Variants in XXYLT1 observed in about 807,000 individuals in gnomAD.
The protein encoded by XXYLT1 is UDP-xylose:alpha-xyloside alpha-1,3-xylosyltransferase.
Under a neutral mutation model 28.9 loss-of-function variants are expected in XXYLT1, and 20 were observed. That is an observed-to-expected ratio of 0.69 (90% CI 0.49 to 1.00). The LOEUF (loss-of-function observed/expected upper bound fraction) is 1.00. Among genes scored for constraint, XXYLT1 ranks in the 50% least tolerant of loss-of-function variants. The pLI is 0.00. For missense variants in XXYLT1, 542 were observed against 560.1 expected, an observed-to-expected ratio of 0.97 and a Z score of 0.33; for synonymous variants, 257 against 253.8, an observed-to-expected ratio of 1.01 and a Z score of -0.12.
intron 2 of XXYLT1, among the ~76,000 whole-genome samples, chr3:195,159,657 G>T (rs950631989): frequency 1.3e-5 from 2 of 152,176 alleles, no homozygotes; most frequent in African/African-American, 4.8e-5. Flanking sequence ...TTGCCGTCAC[G>T]GCCCTGGCAG....
intron 3 of XXYLT1, among the ~76,000 whole-genome samples, chr3:195,146,344 G>T (rs983807589): frequency 1.3e-5 from 2 of 152,320 alleles, no homozygotes; most frequent in East Asian, 3.9e-4. Flanking sequence ...TACAAATAAG[G>T]TTCTTTCAAT....
chr3:195,256,679 TC>T lies in XXYLT1; in HGVS notation c.504+13875del. The T allele has an allele frequency of 1.5e-6, 1 of 649,644 alleles. No homozygotes were observed. Among genetic ancestry groups the T allele is most frequent in the Non-Finnish European group, 1.9e-6 (1 of 523,504 alleles). The allele number at this position is 649,644 out of a possible 1,614,324, so 40.2% of individuals were successfully genotyped here. ...CAGACTGTTACTCAGAGCCGGAGCG[TC>T]CCCACTCCTCTTATGATGAGAAACT... On this transcript the variant is annotated intron_variant, in intron 1 of 3. Coordinates refer to ENST00000310380, the MANE Select transcript of XXYLT1 (RefSeq NM_152531.5). This position sits in a 1 kb window ranked among gnomAD's most constrained non-coding sequence, Gnocchi z 4.2.
intron 2 of XXYLT1, among the ~76,000 whole-genome samples, chr3:195,196,551 C>T (rs1459668181): frequency 6.6e-6 from 1 of 152,204 alleles, no homozygotes; most frequent in Non-Finnish European, 1.5e-5. Flanking sequence ...GAAAACATAA[C>T]ACAGGCAGAT....
In XXYLT1 at chr3:195,267,709, G is replaced by A. The variant is rs1421955182; in HGVS notation, c.504+2846C>T. On this transcript the variant is annotated intron_variant, in intron 1 of 3. Transcript: ENST00000310380. ...TACAACTGTGATAAATGTTACTAAG[G>A]AACAGTGCTTGGAGTTTGAAAGTGT... Among the ~76,000 whole-genome samples the A allele has an allele frequency of 2.6e-5, 4 of 152,128 alleles. 1 individual carries two copies. Among genetic ancestry groups the A allele is most frequent in the Admixed American group, 6.6e-5 (1 of 15,264 alleles).
chr3:195,122,170 A>C, intron 3 of XXYLT1: 1 of 702,942 alleles, frequency 1.4e-6, no homozygotes, highest in South Asian at 1.5e-5. Context: ...GGTCTCTTTC[A>C]TCAGGACACT....
intron 2 of XXYLT1, among the ~76,000 whole-genome samples, chr3:195,187,502 C>T (rs977652082): frequency 2.0e-5 from 3 of 152,072 alleles, no homozygotes; most frequent in African/African-American, 7.2e-5. Context: ...CTATGAGGAG[C>T]CCTAAGAATA....
chr3:195,088,323 C>T lies in XXYLT1; in HGVS notation c.786-18212G>A, dbSNP rs1347267836. ...GAAGAGAGCAGTGGTTCTCCCAGCA[C>T]GCAGCTGGAGATCTGAGAACGGGCA... On this transcript the variant is annotated intron_variant, in intron 3 of 3. Transcript: ENST00000310380. Among the ~76,000 whole-genome samples, 1,342 of 148,860 alleles carry T rather than the reference C, an allele frequency of 9.0e-3. 17 individuals are homozygous for T. The highest frequency in any genetic ancestry group is 0.027 in the East Asian group (127 of 4,654).
Position 195,143,339 on chromosome 3 carries a change from G to A in XXYLT1, c.785+13110C>T, listed in dbSNP as rs375381778. On this transcript the variant is annotated intron_variant, in intron 3 of 3. Coordinates refer to ENST00000310380, the MANE Select transcript of XXYLT1 (RefSeq NM_152531.5). ...CCTTTAAACCAGAGGTCTCAACCTG[G>A]CCATTCTTGGGCTCAGTCTGGTGCA... Among the ~76,000 whole-genome samples, 8 of 152,176 alleles carry A rather than the reference G, an allele frequency of 5.3e-5. No individual in the cohort carries two copies. The East Asian group carries it at 1.3e-3, about 26-fold the overall frequency.
chr3:195,143,810 A>ATATATTTTTTTTTTTTTTTTTTTTTTTTT (rs1719634081), intron 3 of XXYLT1, among the ~76,000 whole-genome samples: 1 of 95,898 alleles, frequency 1.0e-5, no homozygotes, highest in Non-Finnish European at 2.2e-5. Flanking sequence ...AGATAGATAT[A>ATATATTTTTTTTTTTTTTTTTTTTTTTTT]TATAGATATA....
At chr3:195,164,905 A>G (rs1721041155) in intron 2 of XXYLT1, among the ~76,000 whole-genome samples, 1 of 151,954 alleles carries the variant, frequency 6.6e-6, no homozygotes, top group Non-Finnish European at 1.5e-5. Context: ...GGAGTCCGTT[A>G]TGGGAAGTGA....
Position 195,226,709 on chromosome 3 carries a change from C to T in XXYLT1, c.652G>A (p.Glu218Lys). 1 of 1,611,388 alleles carries T rather than the reference C, an allele frequency of 6.2e-7. No homozygotes were observed. Among genetic ancestry groups the T allele is most frequent in the Non-Finnish European group, 8.5e-7 (1 of 1,179,334 alleles). The change falls in exon 2 of 4, where the codon GAG (glutamate) becomes AAG (lysine). Residue 218 changes from glutamate to lysine, a missense_variant and splice_region_variant. Transcript: ENST00000310380. ...TATTGCTCCTGGAAGCCCAGGTTAC[C>T]TTTGGGCATGATCTGATGCATGGCG... ...SVAMHQIMPKEILQIIQLDLD... is the reference protein window; with the variant it reads ...SVAMHQIMPKKILQIIQLDLD...
chr3:195,124,989 G>A lies in XXYLT1; in HGVS notation c.785+31460C>T, dbSNP rs1718543687. Among the ~76,000 whole-genome samples the A allele has an allele frequency of 6.6e-6, 1 of 152,204 alleles. No homozygotes were observed. The highest frequency in any genetic ancestry group is 1.5e-5 in the Non-Finnish European group (1 of 68,048). On this transcript the variant is annotated intron_variant, in intron 3 of 3. Transcript: ENST00000310380. This position sits in a 1 kb window ranked among gnomAD's most constrained non-coding sequence, Gnocchi z 4.1. ...TAAATGGCATCTCAGCTTCTTTCAA[G>A]CTAACCCATTCTTTATTCATTTATT...
chr3:195,235,962 A>G (rs1280627858), intron 1 of XXYLT1, among the ~76,000 whole-genome samples: 3 of 151,992 alleles, frequency 2.0e-5, no homozygotes, highest in Non-Finnish European at 4.4e-5. Context: ...ATAGAGATAT[A>G]CACCTGGCTG....
intron 3 of XXYLT1, among the ~76,000 whole-genome samples, chr3:195,074,437 G>A (rs1715003000): frequency 6.6e-6 from 1 of 152,192 alleles, no homozygotes; most frequent in Admixed American, 6.5e-5. Context: ...CCGGAAACGT[G>A]ATTTCCCTCA....
intron 3 of XXYLT1, among the ~76,000 whole-genome samples, chr3:195,116,001 T>A (rs1718024174): frequency 6.6e-6 from 1 of 151,710 alleles, no homozygotes. Context: ...ACAAACGGAG[T>A]CGGGCTATCT....
intron 1 of XXYLT1, among the ~76,000 whole-genome samples, chr3:195,264,072 T>G (rs1454731770): frequency 6.6e-6 from 1 of 152,174 alleles, no homozygotes; most frequent in Non-Finnish European, 1.5e-5. Context: ...GATCTATGTA[T>G]GCAGAACCTG....
chr3:195,108,040 C>G (rs73890676), intron 3 of XXYLT1, among the ~76,000 whole-genome samples: 4,708 of 152,240 alleles, frequency 0.031, 204 homozygotes, highest in African/African-American at 0.11. Flanking sequence ...TGGCTGGAAA[C>G]CTCCCTCTAG....
intron 3 of XXYLT1, among the ~76,000 whole-genome samples, chr3:195,110,467 G>GTGT (rs1717569834): frequency 7.1e-6 from 1 of 140,448 alleles, no homozygotes; most frequent in African/African-American, 2.6e-5. Context: ...GTGGTGTGTG[G>GTGT]GTGAGGTGTG....
chr3:195,134,884 C>CGT lies in XXYLT1; in HGVS notation c.785+21564_785+21565insAC, dbSNP rs372827646. Reference sequence around the variant, plus strand: ...GTGTGTGTGTGCGTGTGCGCGCGTGCGCGCACGTGCAAAGAGCTATCAGCT... The same window carrying CGT: ...GTGTGTGTGTGCGTGTGCGCGCGTGCGTGCGCACGTGCAAAGAGCTATCAGCT... On this transcript the variant is annotated intron_variant, in intron 3 of 3. Coordinates refer to ENST00000310380, the MANE Select transcript of XXYLT1 (RefSeq NM_152531.5). Among the ~76,000 whole-genome samples, 625 of 66,772 alleles carry CGT rather than the reference C, an allele frequency of 9.4e-3. 4 individuals carry two copies. In the East Asian group the frequency reaches 0.16, roughly 17 times the overall value. 43.8% of individuals were successfully genotyped at this position (66,772 alleles called of 152,430 possible).
Sources: allele counts gnomAD v4.1 joint callset (sites outside exome capture counted in the v4.1 genomes callset), GRCh38; gene constraint gnomAD v4.1.1; non-coding constraint Gnocchi (gnomAD v3.1); transcripts MANE v1.5; gene names NCBI Gene and HGNC (gene_info 2026-07-23, HGNC 2026-07-21).